TAT: variants seen among roughly 807,000 people sequenced by gnomAD.
The protein encoded by TAT is tyrosine aminotransferase.
TAT carries 35 observed loss-of-function variants against 53.6 expected under a neutral mutation model. The ratio of observed to expected loss-of-function variants is 0.65; its 90% CI spans 0.50 to 0.87. The LOEUF (loss-of-function observed/expected upper bound fraction) is 0.87, where lower values mean the gene tolerates loss of function less well. TAT is among the 40% of genes least tolerant of loss of function. The pLI is 0.00. For synonymous variants in TAT, 197 were observed against 206.5 expected, an observed-to-expected ratio of 0.95 and a Z score of 0.39; for missense variants, 525 against 571.8, an observed-to-expected ratio of 0.92 and a Z score of 0.83.
At chr16:71,568,832 C>T (rs762262948) in intron 10 of TAT, 23 bp from the exon 11 acceptor site, 4 of 1,589,772 alleles carry the variant, frequency 2.5e-6, no homozygotes. Flanking sequence ...GAGGGAGAGG[C>T]CAACTTATCA....
chr16:71,569,337 C>CT (rs111800199), intron 10 of TAT, among the ~76,000 whole-genome samples: 10,973 of 147,798 alleles, frequency 0.074, 415 homozygotes, highest in African/African-American at 0.097. Context: ...AAAATTAAAT[C>CT]TTTTTTTTTT....
chr16:71,568,835 A>G, intron 10 of TAT, 26 bp from the exon 11 acceptor site: 1 of 1,581,874 alleles, frequency 6.3e-7, no homozygotes, highest in Non-Finnish European at 8.7e-7. Context: ...GGAGAGGCCA[A>G]CTTATCAGAA....
chr16:71,573,829 GTTTGT>G (rs1950146824), intron 3 of TAT, among the ~76,000 whole-genome samples: 2 of 149,244 alleles, frequency 1.3e-5, no homozygotes, highest in African/African-American at 5.1e-5. Flanking sequence ...TTTTTTGTTT[GTTTGT>G]TTTGTTTTGT....
rs1164592418 is a variant in TAT at position 71,567,455 on chromosome 16, C to G, written c.*689G>C. 6.6e-6 allele frequency: 1 copy of G among 151,830 alleles called. No homozygotes were observed. Among genetic ancestry groups the G allele is most frequent in the Non-Finnish European group, 1.5e-5 (1 of 68,008 alleles). 9.4% of individuals were successfully genotyped at this position (151,830 alleles called of 1,614,324 possible). ...AAAGAAAAGAAAAGCTTATATTGAA[C>G]TTCTCTAAAAAAAGAAAAAAAAGAA... is the stretch of plus-strand genomic sequence containing the variant. On this transcript the variant is annotated 3_prime_UTR_variant, in exon 12 of 12. Transcript: ENST00000355962.
chr16:71,569,252 A>G (rs1260371664), intron 10 of TAT, among the ~76,000 whole-genome samples: 5 of 152,206 alleles, frequency 3.3e-5, no homozygotes, highest in Non-Finnish European at 7.3e-5. Context: ...GAGAATTACA[A>G]TGGTATGAAA....
In TAT at chr16:71,567,977, A is replaced by C; in HGVS notation, c.*167T>G. 1 of 729,312 alleles carries C rather than the reference A, an allele frequency of 1.4e-6. No homozygotes were observed. The highest frequency in any genetic ancestry group is 2.4e-6 in the Non-Finnish European group (1 of 421,058). 45.2% of individuals were successfully genotyped at this position (729,312 alleles called of 1,614,324 possible). A position where few individuals can be genotyped will look rare whatever the true frequency, so the allele number is the denominator to read the frequency against. ...CTGCGATGTGAATGAGGAGGATCTG[A>C]GTGTGGGTGTGGTTGTACTTGGGGA... On this transcript the variant is annotated 3_prime_UTR_variant, in exon 12 of 12. Coordinates refer to ENST00000355962, the MANE Select transcript of TAT (RefSeq NM_000353.3).
rs567054763 is a variant in TAT at position 71,566,155 on chromosome 16, C to A, written c.*1989G>T. 10 of 152,104 alleles carry A rather than the reference C, an allele frequency of 6.6e-5. No individual in the cohort carries two copies. Among genetic ancestry groups the A allele is most frequent in the Non-Finnish European group, 1.3e-4 (9 of 68,024 alleles). The allele number at this position is 152,104 out of a possible 1,614,324, so 9.4% of individuals were successfully genotyped here. ...CGGGAAACTGAAATCTTTATCTAAT[C>A]TCATCCTTTGTATATTCGTCTTGGA... is the stretch of plus-strand genomic sequence containing the variant. On this transcript the variant is annotated 3_prime_UTR_variant, in exon 12 of 12. Transcript: ENST00000355962.
intron 9 of TAT, 49 bp from the exon 10 acceptor site, chr16:71,569,986 A>G (rs1277758812): frequency 1.3e-6 from 2 of 1,560,072 alleles, no homozygotes. Context: ...TAAGTAAAAG[A>G]AAAGCCAAGT....
chr16:71,568,414 T>C, intron 11 of TAT, 130 bp from the exon 12 acceptor site: 2 of 882,296 alleles, frequency 2.3e-6, no homozygotes, highest in African/African-American at 1.7e-5. Flanking sequence ...TCAGCTCCCA[T>C]GACTGGGATG....
intron 9 of TAT, 94 bp from the exon 10 acceptor site, chr16:71,570,031 C>T (rs1461350465): frequency 5.4e-5 from 73 of 1,350,870 alleles, no homozygotes; most frequent in Non-Finnish European, 7.1e-5. Context: ...AGAGTGGGAA[C>T]GTAGGTGTGA....
Position 71,565,928 on chromosome 16 carries a change from A to G in TAT, c.*2216T>C, listed in dbSNP as rs144212091. ...TTGGCTCCCTTATCAAAATGTAAAT[A>G]CCAAGGAAAATCAGGAATTTAAGAA... On this transcript the variant is annotated 3_prime_UTR_variant, in exon 12 of 12. Transcript: ENST00000355962. 7.2e-5 allele frequency: 11 copies of G among 152,364 alleles called. No homozygotes were observed. In the East Asian group the frequency reaches 2.1e-3, roughly 29 times the overall value. 9.4% of individuals were successfully genotyped at this position (152,364 alleles called of 1,614,324 possible). A position where few individuals can be genotyped will look rare whatever the true frequency, so the allele number is the denominator to read the frequency against.
Position 71,570,755 on chromosome 16 carries a change from G to T in TAT, c.836C>A (p.Ala279Asp). 1 of 1,614,186 alleles carries T rather than the reference G, an allele frequency of 6.2e-7. No homozygotes were observed. Among genetic ancestry groups the T allele is most frequent in the Non-Finnish European group, 8.5e-7 (1 of 1,180,038 alleles). Residue 279 changes from alanine (A) to aspartate (D), a missense_variant, in exon 8 of 12, where the codon GCC becomes GAC. Transcript: ENST00000355962. ...CCAGCCAGGAACCAGCCAGCGCTTG[G>T]CCAGCCCTCCACAGGACAGGATGGG... ...DVPILSCGGL[A>D]KRWLVPGWRL...
rs1415951660 is a variant in TAT, at chr16:71,577,049, C to T, written c.-53G>A. 1 of 156,750 alleles carries T rather than the reference C, an allele frequency of 6.4e-6. No individual in the cohort carries two copies. The highest frequency in any genetic ancestry group is 1.4e-5 in the Non-Finnish European group (1 of 71,230). 9.7% of individuals were successfully genotyped at this position (156,750 alleles called of 1,614,324 possible). A position where few individuals can be genotyped will look rare whatever the true frequency, so the allele number is the denominator to read the frequency against. ...GAAAGCAGCCTCCAAGAAGCCAACC[C>T]CGAAAGCTCCCTTAGCTCTTCTTTG... On this transcript the variant is annotated 5_prime_UTR_variant, in exon 1 of 12. Transcript: ENST00000355962.
In TAT at chr16:71,572,588, G is replaced by A; in HGVS notation, c.509C>T (p.Ser170Phe). ...AGACTCAGCCAGAGTCTTGTAGAGA[G>A]AGAAACCAGGTCTTGGAACCAGGAT... ...QNILVPRPGFSLYKTLAESMG... is the reference protein window; with the variant it reads ...QNILVPRPGFFLYKTLAESMG... The change falls in exon 5 of 12, where the codon TCT becomes TTT. Residue 170 changes from serine (S) to phenylalanine (F), a missense_variant. Ser to Phe is a radical substitution (Grantham distance 155, BLOSUM62 -2). Coordinates refer to ENST00000355962, the MANE Select transcript of TAT (RefSeq NM_000353.3). 1 of 1,614,224 alleles carries A rather than the reference G, an allele frequency of 6.2e-7. No homozygotes were observed. The highest frequency in any genetic ancestry group is 1.1e-5 in the South Asian group (1 of 91,078).
At chr16:71,573,306 T>C (rs2044215593) in intron 4 of TAT, among the ~76,000 whole-genome samples, 1 of 152,216 alleles carries the variant, frequency 6.6e-6, no homozygotes, top group Admixed American at 6.5e-5. Context: ...TCGGCCTCCT[T>C]GAGACAGACA....
Position 71,572,694 on chromosome 16 carries a change from A to T in TAT, c.409-6T>A. ...CCACTTGTCAGAATGACGTCCTGTG[A>T]AGGAAATAAAAGGTTAATTTCATTA... On this transcript the variant is annotated splice_region_variant and splice_polypyrimidine_tract_variant and intron_variant, in intron 4 of 11. Coordinates refer to ENST00000355962, the MANE Select transcript of TAT (RefSeq NM_000353.3). 6.2e-7 allele frequency: 1 copy of T among 1,614,212 alleles called. No homozygotes were observed.
In TAT at chr16:71,576,434, G is replaced by A. The variant is rs781216913; in HGVS notation, c.-12-7C>T. On this transcript the variant is annotated splice_region_variant and splice_polypyrimidine_tract_variant and intron_variant, in intron 1 of 11. Coordinates refer to ENST00000355962, the MANE Select transcript of TAT (RefSeq NM_000353.3). ...GGTCCATCACTAGCGAAGCCTGCGA[G>A]GGGAAAGAAGTTCCCTGTGATGTTG... 4.3e-6 allele frequency: 7 copies of A among 1,611,126 alleles called. No individual in the cohort carries two copies. The highest frequency in any genetic ancestry group is 2.2e-5 in the South Asian group (2 of 91,008).
chr16:71,571,370 A>G (rs902142915), intron 7 of TAT, among the ~76,000 whole-genome samples: 2 of 152,230 alleles, frequency 1.3e-5, no homozygotes, highest in African/African-American at 4.8e-5. Flanking sequence ...ATCTACAAAT[A>G]TCAGGTCAAA....
intron 1 of TAT, among the ~76,000 whole-genome samples, 178 bp from the exon 2 acceptor site, chr16:71,576,605 GA>G (rs1460413771): frequency 3.3e-5 from 5 of 152,034 alleles, no homozygotes; most frequent in African/African-American, 9.7e-5. Flanking sequence ...GGAGTTTTAA[GA>G]GTTTTTACTG....
Sources: allele counts gnomAD v4.1 joint callset (sites outside exome capture counted in the v4.1 genomes callset), GRCh38; gene constraint gnomAD v4.1.1; transcripts MANE v1.5; gene names NCBI Gene and HGNC (gene_info 2026-07-23, HGNC 2026-07-21).